Variants in CEACAM18 observed in about 807,000 individuals in gnomAD.
The protein encoded by CEACAM18 is cell adhesion molecule CEACAM18.
Under a neutral mutation model 34.3 loss-of-function variants are expected in CEACAM18, and 33 were observed. That is an observed-to-expected ratio of 0.96 (90% CI 0.73 to 1.29). CEACAM18 has a LOEUF of 1.29. CEACAM18 is among the 50% of genes most tolerant of loss of function. The pLI is 0.00. For synonymous variants in CEACAM18, 169 were observed against 180.9 expected, an observed-to-expected ratio of 0.93 and a Z score of 0.53; for missense variants, 474 against 485.0, an observed-to-expected ratio of 0.98 and a Z score of 0.21.
At chr19:51,481,887 C>T (rs1006846254) in intron 3 of CEACAM18, among the ~76,000 whole-genome samples, 2 of 152,160 alleles carry the variant, frequency 1.3e-5, no homozygotes, top group African/African-American at 4.8e-5. Flanking sequence ...GAAATGAAGA[C>T]GCCAGTCCCC....
chr19:51,490,275 CCA>C (rs1990069086), intron 5 of CEACAM18, among the ~76,000 whole-genome samples: 1 of 152,200 alleles, frequency 6.6e-6, no homozygotes, highest in South Asian at 2.1e-4. Flanking sequence ...GTTATTACCT[CCA>C]TCATTGTTGT....
At chr19:51,482,280 C>T (rs969555323) in intron 3 of CEACAM18, among the ~76,000 whole-genome samples, 9 of 152,150 alleles carry the variant, frequency 5.9e-5, no homozygotes, top group Non-Finnish European at 1.3e-4. Flanking sequence ...CTTATAAATA[C>T]ATTAACACTT....
exon 3 of CEACAM18, chr19:51,481,532 G>A (rs367938775): frequency 6.2e-7 from 1 of 1,614,008 alleles, no homozygotes; most frequent in Non-Finnish European, 8.5e-7. Flanking sequence ...GTAGTGACCG[G>A]ATGACAATTT....
intron 2 of CEACAM18, among the ~76,000 whole-genome samples, 178 bp from the exon 3 acceptor site, chr19:51,481,215 G>C (rs139114294): frequency 2.0e-4 from 31 of 152,324 alleles, no homozygotes; most frequent in African/African-American, 7.2e-4. Flanking sequence ...CCACACCTCA[G>C]CAGCCTCATT....
intron 5 of CEACAM18, among the ~76,000 whole-genome samples, chr19:51,489,014 G>C (rs1327934169): frequency 6.6e-6 from 1 of 151,520 alleles, no homozygotes; most frequent in African/African-American, 2.4e-5. Flanking sequence ...ATGGGCCTTA[G>C]TGCTTCTGTC....
At chr19:51,489,822 A>G (rs1390840433) in intron 5 of CEACAM18, among the ~76,000 whole-genome samples, 1 of 152,206 alleles carries the variant, frequency 6.6e-6, no homozygotes, top group African/African-American at 2.4e-5. Flanking sequence ...ATAAAATCTC[A>G]GATATTATTA....
chr19:51,484,860 A>G, intron 4 of CEACAM18, 127 bp from the exon 5 acceptor site: 1 of 1,184,632 alleles, frequency 8.4e-7, no homozygotes, highest in South Asian at 1.4e-5. Flanking sequence ...CGTACCTGGA[A>G]CAGTGCTTTG....
At position 51,486,217 on chromosome 19, in the gene CEACAM18, T is replaced by C. The variant is rs567722194; in HGVS notation, c.1089+1095T>C. The stretch of plus-strand genomic sequence containing the variant: ...GTGACATTGGTAGTGATGATGACAA[T>C]GGTGATGATGATGGCCATAATGGTG... On this transcript the variant is annotated intron_variant, in intron 5 of 5. Coordinates refer to ENST00000396477, the Ensembl canonical transcript of CEACAM18. Among the ~76,000 whole-genome samples the C allele has an allele frequency of 2.8e-3, 425 of 152,126 alleles. 9 individuals are homozygous for C. The highest frequency in any genetic ancestry group is 0.014 in the South Asian group (66 of 4,814).
chr19:51,484,573 C>A (rs958990993), intron 4 of CEACAM18, among the ~76,000 whole-genome samples: 1 of 122,176 alleles, frequency 8.2e-6, no homozygotes, highest in Non-Finnish European at 1.9e-5. Context: ...CCACCTTGGG[C>A]GAGCTTTCTG....
chr19:51,487,669 G>A (rs568660793), intron 5 of CEACAM18, among the ~76,000 whole-genome samples: 1 of 152,134 alleles, frequency 6.6e-6, no homozygotes, highest in South Asian at 2.1e-4. Context: ...GGGAGGCTGA[G>A]GCAGGAGAAT....
intron 2 of CEACAM18, among the ~76,000 whole-genome samples, 166 bp from the exon 3 acceptor site, chr19:51,481,227 C>A (rs1294733118): frequency 1.3e-5 from 2 of 152,174 alleles, no homozygotes; most frequent in Non-Finnish European, 2.9e-5. Flanking sequence ...AGCCTCATTG[C>A]CCTGTGCCTA....
intron 2 of CEACAM18, 37 bp downstream of exon 2, chr19:51,480,717 G>C: frequency 6.4e-7 from 1 of 1,560,526 alleles, no homozygotes; most frequent in South Asian, 1.2e-5. Flanking sequence ...AACCCCCAAG[G>C]AGAGCTAGAT....
chr19:51,480,772 G>A (rs529734406), intron 2 of CEACAM18, 92 bp downstream of exon 2: 4 of 1,213,568 alleles, frequency 3.3e-6, no homozygotes, highest in Middle Eastern at 2.9e-4. Context: ...ATGACACCGG[G>A]AGTGGAAATC....
chr19:51,490,604 G>A (rs566787213), exon 6 of CEACAM18: 22 of 1,232,374 alleles, frequency 1.8e-5, no homozygotes, highest in Admixed American at 4.2e-5. Flanking sequence ...CGGGCTCCAT[G>A]AGTGTCCACC....
rs528637255 is a variant in CEACAM18, at chr19:51,480,511, A to G, written c.231A>G (p.Lys77=). 10 of 1,613,868 alleles carry G rather than the reference A, an allele frequency of 6.2e-6. No homozygotes were observed. In the South Asian group the frequency reaches 1.1e-4, roughly 18 times the overall value. ...CAGGAAACATGATTATCAGCCACAA[A>G]CCGCCCAGTGCCCAGCAGCCTGGGC... Residue 77 remains lysine (K), a synonymous_variant, in exon 2 of 6, where the codon AAA becomes AAG. Coordinates refer to ENST00000396477, the Ensembl canonical transcript of CEACAM18.
In CEACAM18 at chr19:51,483,997, T is replaced by C. The variant is rs778927605; in HGVS notation, c.953+701T>C. Among the ~76,000 whole-genome samples the C allele has an allele frequency of 6.6e-5, 10 of 152,234 alleles. No homozygotes were observed. In the South Asian group the frequency reaches 1.7e-3, roughly 25 times the overall value. On this transcript the variant is annotated intron_variant, in intron 4 of 5. Coordinates refer to ENST00000396477, the Ensembl canonical transcript of CEACAM18. ...GGGCTCTACAGCCCAAGGTTCTTGGTCCAAATCCCCATTCTGCTGCTGCCT... is the reference window on the plus strand; with the variant it reads ...GGGCTCTACAGCCCAAGGTTCTTGGCCCAAATCCCCATTCTGCTGCTGCCT...
At chr19:51,483,896 C>T (rs187763693) in intron 4 of CEACAM18, among the ~76,000 whole-genome samples, 8 of 152,162 alleles carry the variant, frequency 5.3e-5, no homozygotes, top group Non-Finnish European at 7.3e-5. Flanking sequence ...AGCAACCATG[C>T]GTCCAATCTT....
chr19:51,481,609 T>C, exon 3 of CEACAM18: 3 of 1,613,976 alleles, frequency 1.9e-6, no homozygotes, highest in Non-Finnish European at 2.5e-6. Flanking sequence ...CAGTGCATGA[T>C]AGAGAGTTTC....
At position 51,483,024 on chromosome 19, in the gene CEACAM18, C is replaced by T. The variant is rs112143229; in HGVS notation, c.681C>T (p.Pro227=). The T allele has an allele frequency of 4.3e-5, 70 of 1,613,810 alleles. No homozygotes were observed. The East Asian group carries it at 4.9e-4, about 11-fold the overall frequency. Residue 227 remains proline, a synonymous_variant, in exon 4 of 6, where the codon CCC becomes CCT. Transcript: ENST00000396477. Reference sequence around the variant, plus strand: ...CCTACCCTGTCTCTACAGATGGGCCCGACTATGTGCTGCTGAGGAGCAATC... The same window carrying T: ...CCTACCCTGTCTCTACAGATGGGCCTGACTATGTGCTGCTGAGGAGCAATC...
Sources: gnomAD v4.1 joint callset for allele counts (sites outside exome capture counted in the v4.1 genomes callset) on GRCh38, gnomAD v4.1.1 for gene constraint, MANE v1.5 for transcripts, NCBI Gene and HGNC (gene_info 2026-07-23, HGNC 2026-07-21) for gene names.